The following LRFN5 variants were observed in gnomAD, a reference collection of about 807,000 sequenced individuals.
LRFN5 encodes the protein leucine rich repeat and fibronectin type III domain containing 5.
Under a neutral mutation model 45.6 loss-of-function variants are expected in LRFN5, and 24 were observed. The ratio of observed to expected loss-of-function variants is 0.53; its 90% CI spans 0.38 to 0.74. The LOEUF (loss-of-function observed/expected upper bound fraction) is 0.74. Ranked by LOEUF, LRFN5 falls within the 30% of genes least tolerant of loss-of-function variation. LRFN5 has a pLI of 0.00. For missense variants in LRFN5, 776 were observed against 861.5 expected, an observed-to-expected ratio of 0.90 and a Z score of 1.24; for synonymous variants, 340 against 313.8, an observed-to-expected ratio of 1.08 and a Z score of -0.88.
intron 1 of LRFN5, among the ~76,000 whole-genome samples, chr14:41,734,759 C>T (rs1032560262): frequency 6.6e-6 from 1 of 151,458 alleles, no homozygotes; most frequent in Non-Finnish European, 1.5e-5. Context: ...TTGCTGTCTG[C>T]ATTTTGTTGA....
At chr14:41,715,079 A>T (rs935488) in intron 1 of LRFN5, among the ~76,000 whole-genome samples, 117,797 of 152,036 alleles carry the variant, frequency 0.77, 46,302 homozygotes, top group East Asian at 0.97. Flanking sequence ...CTTATATCCA[A>T]GAGTAACATA....
At chr14:41,882,213 C>G (rs113784432) in intron 2 of LRFN5, among the ~76,000 whole-genome samples, 1,588 of 151,400 alleles carry the variant, frequency 0.01, 26 homozygotes, top group African/African-American at 0.037. Flanking sequence ...ATTTATTGAT[C>G]TCAAATCTCA....
chr14:41,889,999 G>T (rs2139158774), intron 3 of LRFN5, among the ~76,000 whole-genome samples: 1 of 152,166 alleles, frequency 6.6e-6, no homozygotes, highest in Admixed American at 6.5e-5. Context: ...CAGTAGCTGG[G>T]ACTACAGGTG....
At chr14:41,699,010 A>G (rs1392581874) in intron 1 of LRFN5, among the ~76,000 whole-genome samples, 1 of 152,060 alleles carries the variant, frequency 6.6e-6, no homozygotes. Flanking sequence ...TAGATAAGCC[A>G]ATAAATTTAT....
At chr14:41,626,029 A>T (rs8015100) in intron 1 of LRFN5, among the ~76,000 whole-genome samples, 59,271 of 151,890 alleles carry the variant, frequency 0.39, 13,038 homozygotes, top group Non-Finnish European at 0.51. Context: ...TTCTGGAAGG[A>T]TACATACATA....
intron 1 of LRFN5, among the ~76,000 whole-genome samples, chr14:41,740,534 G>A (rs936536653): frequency 7.2e-5 from 11 of 151,774 alleles, no homozygotes; most frequent in African/African-American, 1.2e-4. Flanking sequence ...CAACAAATAG[G>A]TATTGAAATA....
At chr14:41,839,360 G>T (rs1888778638) in intron 2 of LRFN5, among the ~76,000 whole-genome samples, 1 of 151,790 alleles carries the variant, frequency 6.6e-6, no homozygotes, top group Non-Finnish European at 1.5e-5. Context: ...AAGATGAAAT[G>T]GTTTCAAACA....
At chr14:41,850,079 G>A (rs936765648) in intron 2 of LRFN5, among the ~76,000 whole-genome samples, 1 of 151,882 alleles carries the variant, frequency 6.6e-6, no homozygotes, top group Non-Finnish European at 1.5e-5. Context: ...ATATGTGCAT[G>A]TATAATATAG....
At chr14:41,693,254 C>A in intron 1 of LRFN5, among the ~76,000 whole-genome samples, 1 of 152,002 alleles carries the variant, frequency 6.6e-6, no homozygotes, top group African/African-American at 2.4e-5. Flanking sequence ...TATGAAAAAT[C>A]AGTGTGGCAG....
chr14:41,893,608 A>G (rs1890852035), intron 4 of LRFN5: 1 of 985,204 alleles, frequency 1.0e-6, no homozygotes, highest in Non-Finnish European at 1.2e-6. Context: ...GGAATCGTTA[A>G]TTTCCTTCTG....
At chr14:41,656,145 C>T (rs556205873) in intron 1 of LRFN5, among the ~76,000 whole-genome samples, 3 of 151,996 alleles carry the variant, frequency 2.0e-5, no homozygotes, top group East Asian at 3.9e-4. Flanking sequence ...TCACTTACTG[C>T]GTAGCTATGG....
At chr14:41,858,844 T>A (rs1889563839) in intron 2 of LRFN5, among the ~76,000 whole-genome samples, 1 of 152,148 alleles carries the variant, frequency 6.6e-6, no homozygotes, top group South Asian at 2.1e-4. Context: ...TCTCCAGGCA[T>A]TTCATCTGGT....
chr14:41,765,373 A>C (rs1044067612), intron 1 of LRFN5, among the ~76,000 whole-genome samples: 11 of 147,392 alleles, frequency 7.5e-5, no homozygotes, highest in Non-Finnish European at 9.0e-5. Flanking sequence ...AAAAAAAAAA[A>C]CAGGGCACAA....
At chr14:41,711,350 G>A (rs952331233) in intron 1 of LRFN5, among the ~76,000 whole-genome samples, 1 of 152,160 alleles carries the variant, frequency 6.6e-6, no homozygotes, top group Non-Finnish European at 1.5e-5. Context: ...ATGGGTACAT[G>A]GTGCAGAGGA....
intron 2 of LRFN5, among the ~76,000 whole-genome samples, chr14:41,805,559 C>CCA (rs1293755928): frequency 3.4e-5 from 5 of 147,314 alleles, no homozygotes; most frequent in Non-Finnish European, 7.6e-5. Flanking sequence ...CTCCACCCCC[C>CCA]CCACCCCACA....
chr14:41,778,875 CTCACTTACTAATGGCAGGAGTTTTTT>C (rs1886384827), intron 2 of LRFN5, among the ~76,000 whole-genome samples: 3 of 151,786 alleles, frequency 2.0e-5, no homozygotes, highest in Non-Finnish European at 4.4e-5. Flanking sequence ...TAAGTTTGTA[CTCACTTACTAATGGCAGGAGTTTTTT>C]TAATCAGTTC....
intron 1 of LRFN5, among the ~76,000 whole-genome samples, chr14:41,699,038 T>A (rs1475255669): frequency 1.3e-5 from 2 of 152,008 alleles, no homozygotes; most frequent in African/African-American, 2.4e-5. Context: ...TAAGTTGAGA[T>A]GAGTTTGAGA....
At chr14:41,856,044 T>G (rs1057110987) in intron 2 of LRFN5, among the ~76,000 whole-genome samples, 1 of 152,196 alleles carries the variant, frequency 6.6e-6, no homozygotes, top group Non-Finnish European at 1.5e-5. Flanking sequence ...ACAGTTAATT[T>G]TGTGTTGTAA....
In LRFN5 at chr14:41,891,741, C is replaced by A; in HGVS notation, c.1877C>A (p.Thr626Asn). 1 of 1,614,178 alleles carries A rather than the reference C, an allele frequency of 6.2e-7. No individual in the cohort carries two copies. Among genetic ancestry groups the A allele is most frequent in the Non-Finnish European group, 8.5e-7 (1 of 1,180,020 alleles). Residue 626 changes from threonine to asparagine, a missense_variant, in exon 4 of 6, where the codon ACC (threonine) becomes AAC (asparagine). Physicochemically the swap from Thr to Asn is moderately conservative, Grantham distance 65. This residue lies in a region of LRFN5 where 465 missense variants were observed against 456.4 expected (regional missense o/e 1.02). Transcript: ENST00000298119. ...TCGAGTCAGGACTCCTCTACCACTACCTCTGCTTTGCCTCCTTCCTGGACT... is the reference window on the plus strand; with the variant it reads ...TCGAGTCAGGACTCCTCTACCACTAACTCTGCTTTGCCTCCTTCCTGGACT... ...TCSSQDSSTT[T>N]SALPPSWTSS...
Sources: gnomAD v4.1 joint callset for allele counts (sites outside exome capture counted in the v4.1 genomes callset) on GRCh38, gnomAD v4.1.1 for gene constraint, gnomAD v4.1.1 regional missense constraint, MANE v1.5 for transcripts, NCBI Gene and HGNC (gene_info 2026-07-23, HGNC 2026-07-21) for gene names.